LHFPL3: variants seen among roughly 807,000 people sequenced by gnomAD.
LHFPL3 encodes the protein LHFPL tetraspan subfamily member 3 protein.
A neutral mutation model predicts 19.3 loss-of-function variants in LHFPL3; 5 were observed. The ratio of observed to expected loss-of-function variants is 0.26; its 90% CI spans 0.14 to 0.54. The LOEUF is 0.54. Ranked by LOEUF, LHFPL3 falls within the 20% of genes least tolerant of loss-of-function variation. LHFPL3 has a pLI of 0.94. For synonymous variants in LHFPL3, 133 were observed against 126.2 expected (o/e 1.05, Z -0.36); for missense variants, 249 against 307.4 (o/e 0.81, Z 1.42).
At chr7:104,504,468 T>G (rs1171405557) in intron 1 of LHFPL3, among the ~76,000 whole-genome samples, 1 of 152,212 alleles carries the variant, frequency 6.6e-6, no homozygotes, top group Non-Finnish European at 1.5e-5. Context: ...TTAAATTACA[T>G]CCCTTGGATG....
chr7:104,331,626 T>A (rs1437757375), intron 1 of LHFPL3, among the ~76,000 whole-genome samples: 1 of 152,108 alleles, frequency 6.6e-6, no homozygotes, highest in Non-Finnish European at 1.5e-5. Flanking sequence ...TAACAAAAAA[T>A]TTAATATAAA....
chr7:104,724,862 C>T (rs187257846), intron 1 of LHFPL3, among the ~76,000 whole-genome samples: 3 of 152,260 alleles, frequency 2.0e-5, no homozygotes. Context: ...GAAGGAGACC[C>T]GAAATATCCT....
chr7:104,362,019 G>T (rs1790397573), intron 1 of LHFPL3, among the ~76,000 whole-genome samples: 1 of 152,224 alleles, frequency 6.6e-6, no homozygotes, highest in Non-Finnish European at 1.5e-5. Flanking sequence ...GGATGTGAAT[G>T]TGTGATGCAG....
chr7:104,433,516 G>T (rs1792039878), intron 1 of LHFPL3, among the ~76,000 whole-genome samples: 1 of 152,084 alleles, frequency 6.6e-6, no homozygotes, highest in Non-Finnish European at 1.5e-5. Flanking sequence ...GGTATACAAG[G>T]CCCTTCATGA....
At chr7:104,819,497 C>A (rs1292145644) in intron 2 of LHFPL3, among the ~76,000 whole-genome samples, 1 of 152,128 alleles carries the variant, frequency 6.6e-6, no homozygotes, top group African/African-American at 2.4e-5. Flanking sequence ...CTCAATATCC[C>A]AGCAGAAAAG....
At chr7:104,751,933 C>T (rs1371959719) in intron 2 of LHFPL3, among the ~76,000 whole-genome samples, 4 of 151,950 alleles carry the variant, frequency 2.6e-5, no homozygotes, top group Admixed American at 1.3e-4. Context: ...GATTAAGTCT[C>T]CTAGTGGGCG....
intron 2 of LHFPL3, among the ~76,000 whole-genome samples, chr7:104,759,143 C>T (rs1469426327): frequency 1.3e-5 from 2 of 152,118 alleles, no homozygotes; most frequent in Admixed American, 6.6e-5. Flanking sequence ...GCTTAAAGAA[C>T]TCCCATTTCC....
At position 104,686,110 on chromosome 7, in the gene LHFPL3, G is replaced by T. The variant is rs147813665; in HGVS notation, c.446-50565G>T. ...CAAAGCACTATCAGGGAGTGAGGAT[G>T]GTTGAAGGTAGTAAGGGGAACTTAG... On this transcript the variant is annotated intron_variant, in intron 1 of 2. Transcript: ENST00000424859. Among the ~76,000 whole-genome samples, 11 of 152,310 alleles carry T rather than the reference G, an allele frequency of 7.2e-5. 1 individual carries two copies. The East Asian group carries it at 1.9e-3, about 27-fold the overall frequency.
At chr7:104,357,219 C>G (rs117755142) in intron 1 of LHFPL3, among the ~76,000 whole-genome samples, 2,376 of 152,302 alleles carry the variant, frequency 0.016, 32 homozygotes, top group Non-Finnish European at 0.024. Context: ...CATCCATGTT[C>G]TTGCTCTCTG....
chr7:104,747,720 T>A (rs1276290350), intron 2 of LHFPL3, among the ~76,000 whole-genome samples: 1 of 152,174 alleles, frequency 6.6e-6, no homozygotes, highest in Non-Finnish European at 1.5e-5. Context: ...CACCAGCTAA[T>A]GCACACCCAC....
chr7:104,585,939 T>C (rs187683636), intron 1 of LHFPL3, among the ~76,000 whole-genome samples: 64 of 152,222 alleles, frequency 4.2e-4, no homozygotes, highest in African/African-American at 1.4e-3. Flanking sequence ...CAGCTACCAG[T>C]GGCTTGCTGA....
chr7:104,586,686 G>A (rs372219329), intron 1 of LHFPL3, among the ~76,000 whole-genome samples: 41 of 152,166 alleles, frequency 2.7e-4, no homozygotes, highest in African/African-American at 8.9e-4. Flanking sequence ...AATTAGCATT[G>A]TCTACACACT....
intron 2 of LHFPL3, among the ~76,000 whole-genome samples, chr7:104,840,426 G>A (rs927921849): frequency 3.4e-5 from 5 of 145,426 alleles, no homozygotes; most frequent in East Asian, 2.1e-4. Flanking sequence ...CTCAGCCTCC[G>A]GAGTAGCTGG....
chr7:104,508,983 T>C (rs1793758714), intron 1 of LHFPL3, among the ~76,000 whole-genome samples: 1 of 152,050 alleles, frequency 6.6e-6, no homozygotes, highest in Non-Finnish European at 1.5e-5. Context: ...CTCTATATGA[T>C]AAATTCGACA....
chr7:104,733,004 G>A (rs1584503135), intron 1 of LHFPL3, among the ~76,000 whole-genome samples: 2 of 152,298 alleles, frequency 1.3e-5, no homozygotes, highest in South Asian at 4.1e-4. Context: ...TCAGGAGCAG[G>A]TTGTTCAGTT....
At position 104,522,383 on chromosome 7, in the gene LHFPL3, G is replaced by T. The variant is rs1160037185; in HGVS notation, c.445+193159G>T. Among the ~76,000 whole-genome samples, 3 of 84,200 alleles carry T rather than the reference G, an allele frequency of 3.6e-5. No individual in the cohort carries two copies. In the South Asian group the frequency reaches 1.2e-3, roughly 35 times the overall value. The allele number at this position is 84,200 out of a possible 152,430, so 55.2% of individuals were successfully genotyped here. On this transcript the variant is annotated intron_variant, in intron 1 of 2. Transcript: ENST00000424859. ...AGGGGAACATCACACTCTGGGGACT[G>T]TTGTGGGGTGGGGGGAGGGGGGAGG...
chr7:104,821,635 C>G (rs1790677806), intron 2 of LHFPL3, among the ~76,000 whole-genome samples: 1 of 152,136 alleles, frequency 6.6e-6, no homozygotes, highest in African/African-American at 2.4e-5. Flanking sequence ...CATGAAAGAG[C>G]TAGGACACCA....
chr7:104,408,997 A>T lies in LHFPL3; in HGVS notation c.445+79773A>T, dbSNP rs1235921264. On this transcript the variant is annotated intron_variant, in intron 1 of 2. Coordinates refer to ENST00000424859, the MANE Select transcript of LHFPL3 (RefSeq NM_199000.3). Reference sequence around the variant, plus strand: ...CTCCTGCCTCAGCCTCCCGAGTAGCAGGGACTACAGGCGCCTGCCACCACG... The same window carrying T: ...CTCCTGCCTCAGCCTCCCGAGTAGCTGGGACTACAGGCGCCTGCCACCACG... Among the ~76,000 whole-genome samples, 36 of 149,808 alleles carry T rather than the reference A, an allele frequency of 2.4e-4. No homozygotes were observed. The South Asian group carries it at 4.0e-3, about 17-fold the overall frequency.
At chr7:104,626,300 T>C (rs1336144235) in intron 1 of LHFPL3, among the ~76,000 whole-genome samples, 2 of 152,218 alleles carry the variant, frequency 1.3e-5, no homozygotes, top group Admixed American at 1.3e-4. Flanking sequence ...AGAGTCCAGC[T>C]GTTCACAGCT....
Sources: allele counts gnomAD v4.1 joint callset (sites outside exome capture counted in the v4.1 genomes callset), GRCh38; gene constraint gnomAD v4.1.1; transcripts MANE v1.5; gene names NCBI Gene and HGNC (gene_info 2026-07-23, HGNC 2026-07-21).